POGZ: variants seen among roughly 807,000 people sequenced by gnomAD.
The protein encoded by POGZ is pogo transposable element with ZNF domain.
A neutral mutation model predicts 134.6 loss-of-function variants in POGZ; 17 were observed. The ratio of observed to expected loss-of-function variants is 0.13; its 90% CI spans 0.09 to 0.19. POGZ has a LOEUF of 0.19. Among genes scored for constraint, POGZ ranks in the 10% least tolerant of loss-of-function variants. The pLI is 1.00. For synonymous variants in POGZ, 693 were observed against 657.1 expected (o/e 1.05, Z -0.84); for missense variants, 1,306 against 1,769.7 (o/e 0.74, Z 4.70).
chr1:151,458,704 TC>T (rs1168053600), intron 1 of POGZ, among the ~76,000 whole-genome samples: 1 of 138,344 alleles, frequency 7.2e-6, no homozygotes, highest in African/African-American at 2.6e-5. Context: ...CCCCGCCCCT[TC>T]CCCAGCGGGC....
chr1:151,411,927 C>A, intron 11 of POGZ, 156 bp from the exon 12 acceptor site: 1 of 612,054 alleles, frequency 1.6e-6, no homozygotes. Context: ...TAATGCTGGG[C>A]TATGTTTGTG....
intron 11 of POGZ, 133 bp from the exon 12 acceptor site, chr1:151,411,904 T>C: frequency 1.4e-6 from 1 of 694,628 alleles, no homozygotes; most frequent in East Asian, 2.9e-5. Flanking sequence ...ATCAAATTAT[T>C]TTCCTGACTT....
At chr1:151,424,424 C>T (rs1557902675) in intron 8 of POGZ, 138 bp from the exon 9 acceptor site, 7 of 584,990 alleles carry the variant, frequency 1.2e-5, no homozygotes, top group Non-Finnish European at 1.5e-5. Context: ...TTTTTTTTAG[C>T]GTTTCCAAGT....
chr1:151,416,001 GTCAGGAGT>G lies in POGZ; in HGVS notation c.1679-3613_1679-3606del, dbSNP rs1655580087. 9.2e-5 allele frequency among the ~76,000 whole-genome samples: 14 copies of G among 151,820 alleles called. No individual in the cohort carries two copies. In the South Asian group the frequency reaches 2.9e-3, roughly 31 times the overall value. ...GGCAGAGGCAGGCGGATCATCTGAA[GTCAGGAGT>G]TCAAGACCAGCCTGGCCAACATGGC... On this transcript the variant is annotated intron_variant, in intron 10 of 18. Coordinates refer to ENST00000271715, the MANE Select transcript of POGZ (RefSeq NM_015100.4).
At chr1:151,420,459 G>A (rs1224165193) in intron 10 of POGZ, among the ~76,000 whole-genome samples, 1 of 152,070 alleles carries the variant, frequency 6.6e-6, no homozygotes, top group Admixed American at 6.5e-5. Flanking sequence ...TACGACTATA[G>A]GCGTGCGCCA....
intron 3 of POGZ, among the ~76,000 whole-genome samples, chr1:151,431,620 C>G (rs1489892088): frequency 6.6e-6 from 1 of 152,070 alleles, no homozygotes; most frequent in Admixed American, 6.6e-5. Context: ...ATCAGAAGAC[C>G]TGGACAAAAA....
intron 13 of POGZ, 54 bp downstream of exon 13, chr1:151,408,640 A>C: frequency 6.2e-7 from 1 of 1,603,934 alleles, no homozygotes; most frequent in Non-Finnish European, 8.5e-7. Flanking sequence ...AGAATACTGA[A>C]AATCTCTATT....
At chr1:151,439,908 C>T (rs1660246953) in intron 3 of POGZ, among the ~76,000 whole-genome samples, 1 of 152,100 alleles carries the variant, frequency 6.6e-6, no homozygotes, top group African/African-American at 2.4e-5. Context: ...TAGCAATATA[C>T]CCTCTTACAA....
Position 151,406,938 on chromosome 1 carries a change from G to A in POGZ, c.2518C>T (p.His840Tyr). Residue 840 changes from histidine to tyrosine, a missense_variant, in exon 17 of 19, where the codon CAC (histidine) becomes TAC (tyrosine). Physicochemically the swap from His to Tyr is moderately conservative, Grantham distance 83. Coordinates refer to ENST00000271715, the MANE Select transcript of POGZ (RefSeq NM_015100.4). The part of the protein sequence containing the change: ...MAKHLVFNPS[H>Y]RSSSILPRGL... The stretch of plus-strand genomic sequence containing the variant: ...CGTGGCAGGATGCTGCTGGATCTGT[G>A]AGAGGGGTTGAATACCAAATGCTTG... 1 of 1,613,868 alleles carries A rather than the reference G, an allele frequency of 6.2e-7. No homozygotes were observed. Among genetic ancestry groups the A allele is most frequent in the Non-Finnish European group, 8.5e-7 (1 of 1,179,744 alleles).
At chr1:151,437,792 T>C (rs573365637) in intron 3 of POGZ, among the ~76,000 whole-genome samples, 1 of 152,226 alleles carries the variant, frequency 6.6e-6, no homozygotes, top group East Asian at 1.9e-4. Flanking sequence ...GTTACTAATG[T>C]AGTAAGCAGA....
Position 151,405,719 on chromosome 1 carries a change from C to G in POGZ, c.3316G>C (p.Asp1106His). ...TTGTGAATCTGCCGTTGTACAAAATCAATGAAGAGTCCTGCATTCTCTGCT... is the reference window on the plus strand; with the variant it reads ...TTGTGAATCTGCCGTTGTACAAAATGAATGAAGAGTCCTGCATTCTCTGCT... ...DVAENAGLFI[D>H]FVQRQIHNQD... The change falls in exon 19 of 19, where the codon GAT (aspartate) becomes CAT (histidine). Residue 1106 changes from aspartate to histidine, a missense_variant. This residue lies in a region of POGZ where 161 missense variants were observed against 185.4 expected (regional missense o/e 0.87). Coordinates refer to ENST00000271715, the MANE Select transcript of POGZ (RefSeq NM_015100.4). This position sits in a 1 kb window ranked among gnomAD's most constrained non-coding sequence, Gnocchi z 4.9. 1 of 1,614,168 alleles carries G rather than the reference C, an allele frequency of 6.2e-7. No homozygotes were observed. The highest frequency in any genetic ancestry group is 1.1e-5 in the South Asian group (1 of 91,076).
chr1:151,444,824 C>CA (rs2102384467), intron 1 of POGZ, among the ~76,000 whole-genome samples: 1 of 152,160 alleles, frequency 6.6e-6, no homozygotes, highest in South Asian at 2.1e-4. Flanking sequence ...AGAACTCCAG[C>CA]TTGGGTAGCA....
At chr1:151,442,899 G>C (rs1660757779) in intron 1 of POGZ, among the ~76,000 whole-genome samples, 2 of 150,948 alleles carry the variant, frequency 1.3e-5, no homozygotes, top group Non-Finnish European at 3.0e-5. Context: ...CACGCTGGCA[G>C]GCGCCTGTAA....
intron 1 of POGZ, among the ~76,000 whole-genome samples, chr1:151,449,873 C>T (rs956295932): frequency 6.6e-6 from 1 of 152,122 alleles, no homozygotes; most frequent in East Asian, 1.9e-4. Context: ...GGAGACAGTG[C>T]GAGACTCCGT....
intron 3 of POGZ, among the ~76,000 whole-genome samples, chr1:151,433,841 A>T (rs1659139975): frequency 6.6e-6 from 1 of 152,164 alleles, no homozygotes; most frequent in Non-Finnish European, 1.5e-5. Context: ...CCAGAGGATG[A>T]AACAGGCAAT....
intron 3 of POGZ, among the ~76,000 whole-genome samples, chr1:151,440,235 T>A (rs1385289442): frequency 1.3e-5 from 2 of 151,940 alleles, no homozygotes; most frequent in Non-Finnish European, 2.9e-5. Flanking sequence ...ATTATTTTTG[T>A]AGTACTAAAG....
At chr1:151,450,183 C>A (rs963110762) in intron 1 of POGZ, among the ~76,000 whole-genome samples, 1 of 147,182 alleles carries the variant, frequency 6.8e-6, no homozygotes, top group African/African-American at 2.5e-5. Flanking sequence ...AGGTGCCCAC[C>A]ACCACGGCTG....
chr1:151,448,465 T>A (rs1227041580), intron 1 of POGZ, among the ~76,000 whole-genome samples: 1 of 152,002 alleles, frequency 6.6e-6, no homozygotes, highest in Non-Finnish European at 1.5e-5. Context: ...TTTTAAAAAA[T>A]TATTTTAAAA....
chr1:151,403,214 A>T lies in POGZ; in HGVS notation c.*1588T>A, dbSNP rs1364857815. 5 of 985,734 alleles carry T rather than the reference A, an allele frequency of 5.1e-6. No individual in the cohort carries two copies. In the African/African-American group the frequency reaches 8.7e-5, roughly 17 times the overall value. The allele number at this position is 985,734 out of a possible 1,614,324, so 61.1% of individuals were successfully genotyped here. A position where few individuals can be genotyped will look rare whatever the true frequency, so the allele number is the denominator to read the frequency against. On this transcript the variant is annotated 3_prime_UTR_variant, in exon 19 of 19. Coordinates refer to ENST00000271715, the MANE Select transcript of POGZ (RefSeq NM_015100.4). ...TGTGCTGGGGGATGAAAAAACAAACAAACAAAAAAGCAGGGTGGGGTGGGA... is the reference window on the plus strand; with the variant it reads ...TGTGCTGGGGGATGAAAAAACAAACTAACAAAAAAGCAGGGTGGGGTGGGA...
Sources: gnomAD v4.1 joint callset for allele counts (sites outside exome capture counted in the v4.1 genomes callset) on GRCh38, gnomAD v4.1.1 for gene constraint, gnomAD v4.1.1 regional missense constraint, Gnocchi (gnomAD v3.1) non-coding constraint, MANE v1.5 for transcripts, NCBI Gene and HGNC (gene_info 2026-07-23, HGNC 2026-07-21) for gene names.